The following MCTP1 variants were observed in gnomAD, a reference collection of about 807,000 sequenced individuals.
MCTP1 encodes multiple C2 and transmembrane domain-containing protein 1.
In MCTP1, 69 loss-of-function variants were observed where a neutral mutation model predicts 120.6. The ratio of observed to expected loss-of-function variants is 0.57; its 90% CI spans 0.47 to 0.70. MCTP1 has a LOEUF of 0.70. MCTP1 is among the 30% of genes least tolerant of loss of function. MCTP1 has a pLI of 0.00. For synonymous variants in MCTP1, 529 were observed against 493.1 expected (o/e 1.07, Z -0.96); for missense variants, 1,203 against 1,248.8 (o/e 0.96, Z 0.55).
intron 1 of MCTP1, among the ~76,000 whole-genome samples, chr5:95,118,744 T>A (rs1014475515): frequency 6.6e-6 from 1 of 152,230 alleles, no homozygotes; most frequent in South Asian, 2.1e-4. Context: ...CTATCCTATA[T>A]CAGCCAAAGT....
chr5:94,867,098 A>T, intron 17 of MCTP1: 1 of 639,480 alleles, frequency 1.6e-6, no homozygotes, highest in Non-Finnish European at 2.3e-6. Flanking sequence ...TTTCTCATCA[A>T]TGTAAAAGTA....
At chr5:94,917,818 G>T in intron 8 of MCTP1, 78 bp downstream of exon 8, 1 of 1,130,386 alleles carries the variant, frequency 8.8e-7, no homozygotes. Flanking sequence ...TGGGTTTTCA[G>T]TACAGTAAGT....
chr5:94,985,457 C>T (rs10061988), intron 2 of MCTP1, among the ~76,000 whole-genome samples: 5,625 of 152,112 alleles, frequency 0.037, 351 homozygotes, highest in African/African-American at 0.13. Context: ...TGCAGTATAG[C>T]GATCAAAGGC....
chr5:95,121,773 G>A (rs560030970), intron 1 of MCTP1, among the ~76,000 whole-genome samples: 16 of 151,844 alleles, frequency 1.1e-4, no homozygotes, highest in Non-Finnish European at 1.5e-5. Context: ...ACATGGTACT[G>A]GCATAAAAAG....
chr5:95,086,549 A>G (rs1562131701), intron 1 of MCTP1, among the ~76,000 whole-genome samples: 1 of 152,240 alleles, frequency 6.6e-6, no homozygotes, highest in Non-Finnish European at 1.5e-5. Context: ...AATTTGAGGT[A>G]GTATGAACCT....
At position 94,914,736 on chromosome 5, in the gene MCTP1, C is replaced by T. The variant is rs159490; in HGVS notation, c.1351-1760G>A. On this transcript the variant is annotated intron_variant, in intron 8 of 22. Coordinates refer to ENST00000515393, the MANE Select transcript of MCTP1 (RefSeq NM_024717.7). The stretch of plus-strand genomic sequence containing the variant: ...CTGCAGAACTCCATGCCCACTTCAG[C>T]TGGAGCCCCTCTGCTCCTGTCTGTT... 4.7e-3 allele frequency among the ~76,000 whole-genome samples: 711 copies of T among 152,354 alleles called. 13 individuals carry two copies. In the East Asian group the frequency reaches 0.059, roughly 13 times the overall value.
intron 1 of MCTP1, among the ~76,000 whole-genome samples, chr5:95,116,414 C>T (rs1757830117): frequency 6.6e-6 from 1 of 152,072 alleles, no homozygotes; most frequent in Admixed American, 6.5e-5. Flanking sequence ...GAAGCAGTAC[C>T]ATGCTGTTCT....
At chr5:94,958,840 A>G (rs757996812) in intron 2 of MCTP1, among the ~76,000 whole-genome samples, 1 of 152,244 alleles carries the variant, frequency 6.6e-6, no homozygotes, top group Non-Finnish European at 1.5e-5. Context: ...TACCAGAGGT[A>G]CAAAGAGGAG....
intron 10 of MCTP1, among the ~76,000 whole-genome samples, chr5:94,903,636 C>G (rs1290229239): frequency 6.6e-6 from 1 of 152,152 alleles, no homozygotes; most frequent in Non-Finnish European, 1.5e-5. Context: ...TTGACTCAAG[C>G]GTACATTGGT....
intron 2 of MCTP1, among the ~76,000 whole-genome samples, chr5:94,965,320 C>G (rs1437117): frequency 0.53 from 79,924 of 151,952 alleles, 21,207 homozygotes; most frequent in African/African-American, 0.58. Context: ...ATCCACTTCA[C>G]TCTCTTTTCC....
chr5:95,207,398 G>A (rs1176189529), intron 1 of MCTP1, among the ~76,000 whole-genome samples: 1 of 152,040 alleles, frequency 6.6e-6, no homozygotes, highest in African/African-American at 2.4e-5. Flanking sequence ...ACACATATAG[G>A]GAGCTGTGTT....
chr5:94,886,319 C>A lies in MCTP1; in HGVS notation c.1933+2560G>T, dbSNP rs546158311. Among the ~76,000 whole-genome samples, 20 of 152,224 alleles carry A rather than the reference C, an allele frequency of 1.3e-4. No individual in the cohort carries two copies. In the South Asian group the frequency reaches 3.5e-3, roughly 27 times the overall value. On this transcript the variant is annotated intron_variant, in intron 12 of 22. Transcript: ENST00000515393. ...TTTTACATTTTGAAAGGGAAAAATT[C>A]TTTGTAACTGTAGTAAGATTGATGG...
intron 1 of MCTP1, among the ~76,000 whole-genome samples, chr5:95,056,298 T>C (rs550925386): frequency 2.0e-5 from 3 of 152,222 alleles, no homozygotes; most frequent in Non-Finnish European, 4.4e-5. Flanking sequence ...TAGGCATATC[T>C]TGCTAACATG....
intron 1 of MCTP1, among the ~76,000 whole-genome samples, chr5:95,186,129 C>T (rs984312835): frequency 4.0e-5 from 6 of 151,380 alleles, no homozygotes; most frequent in South Asian, 2.1e-4. Context: ...AAAAATAAAA[C>T]GTTCAGTTCT....
intron 10 of MCTP1, among the ~76,000 whole-genome samples, chr5:94,899,646 T>C (rs746395576): frequency 2.0e-5 from 3 of 152,208 alleles, no homozygotes; most frequent in Non-Finnish European, 4.4e-5. Context: ...CTGTGATCAA[T>C]GTAATAGGAG....
chr5:95,018,369 T>C (rs1486003827), intron 1 of MCTP1, among the ~76,000 whole-genome samples: 3 of 152,128 alleles, frequency 2.0e-5, no homozygotes, highest in Non-Finnish European at 1.5e-5. Context: ...TCTCAGAATA[T>C]GCATGGATGA....
chr5:94,952,171 C>CAAAAAAAAAA lies in MCTP1; in HGVS notation c.981+1038_981+1047dup, dbSNP rs57358026. On this transcript the variant is annotated intron_variant, in intron 3 of 22. Transcript: ENST00000515393. ...TGGGTGACAGAATGAGACTTTGTCG[C>CAAAAAAAAAA]AAAAAAAAAAAAAAAAAAAAAAGCT... is the stretch of plus-strand genomic sequence containing the variant. 3.2e-3 allele frequency among the ~76,000 whole-genome samples: 282 copies of CAAAAAAAAAA among 87,824 alleles called. 23 individuals are homozygous for CAAAAAAAAAA. Among genetic ancestry groups the CAAAAAAAAAA allele is most frequent in the Admixed American group, 6.4e-3 (49 of 7,618 alleles). 57.6% of individuals were successfully genotyped at this position (87,824 alleles called of 152,430 possible).
chr5:95,260,806 C>A (rs1320823102), intron 1 of MCTP1, among the ~76,000 whole-genome samples: 1 of 152,032 alleles, frequency 6.6e-6, no homozygotes, highest in African/African-American at 2.4e-5. Context: ...AACAAATGAC[C>A]AGGTAATAAC....
chr5:95,164,165 G>GT (rs983386926), intron 1 of MCTP1, among the ~76,000 whole-genome samples: 7 of 152,076 alleles, frequency 4.6e-5, no homozygotes, highest in East Asian at 1.9e-4. Flanking sequence ...ATAGATTGAG[G>GT]TTTTTTCCTT....
Sources: allele counts gnomAD v4.1 joint callset (sites outside exome capture counted in the v4.1 genomes callset), GRCh38; gene constraint gnomAD v4.1.1; transcripts MANE v1.5; gene names NCBI Gene and HGNC (gene_info 2026-07-23, HGNC 2026-07-21).